CDKL4: variants seen among roughly 807,000 people sequenced by gnomAD.
CDKL4 encodes the protein cyclin dependent kinase like 4, also known as cyclin-dependent kinase-like 4.
A neutral mutation model predicts 42.0 loss-of-function variants in CDKL4; 44 were observed. The ratio of observed to expected loss-of-function variants is 1.05; its 90% confidence interval spans 0.82 to 1.35. The LOEUF is 1.35. Among genes scored for constraint, CDKL4 ranks in the 40% most tolerant of loss-of-function variants. The pLI is 0.00. For synonymous variants in CDKL4, 120 were observed against 121.6 expected (o/e 0.99, Z 0.09); for missense variants, 393 against 369.9 (o/e 1.06, Z -0.51).
At chr2:39,171,829 A>G (rs1675007329), downstream of CDKL4, among the ~76,000 whole-genome samples, 1 of 152,226 alleles carries the variant, frequency 6.6e-6, no homozygotes, top group Non-Finnish European at 1.5e-5. Flanking sequence ...GTCACTCACC[A>G]TGATGGCGCA....
At position 39,212,034 on chromosome 2, in the gene CDKL4, T is replaced by G. The variant is rs946679843; in HGVS notation, c.363+1366A>C. Among the ~76,000 whole-genome samples, 5 of 152,186 alleles carry G rather than the reference T, an allele frequency of 3.3e-5. No individual in the cohort carries two copies. In the South Asian group the frequency reaches 8.3e-4, roughly 25 times the overall value. ...AGAAAAAGTCAGCCAAAATTATTTC[T>G]CTAACATAGTGGTTCTTGAACCAAC... On this transcript the variant is annotated intron_variant, in intron 4 of 9. Transcript: ENST00000451199.
chr2:39,229,229 A>G, intron 2 of CDKL4, 136 bp downstream of exon 2: 4 of 641,516 alleles, frequency 6.2e-6, no homozygotes, highest in South Asian at 4.2e-5. Flanking sequence ...GTGATAATCA[A>G]CTTATTACCC....
Position 39,239,503 on chromosome 2 carries a change from C to G in CDKL4, c.-57+4368G>C, listed in dbSNP as rs115577560. Among the ~76,000 whole-genome samples the G allele has an allele frequency of 9.8e-3, 1,499 of 152,242 alleles. 16 individuals are homozygous for G. Among genetic ancestry groups the G allele is most frequent in the African/African-American group, 0.034 (1,425 of 41,528 alleles). On this transcript the variant is annotated intron_variant, in intron 1 of 9. Coordinates refer to ENST00000451199, the Ensembl canonical transcript of CDKL4. ...CCAGAATACATAGAGAGCATGCTTA[C>G]AACTCAATAGGAGGTTAAACAACCC...
At chr2:39,199,350 A>T (rs1332513075) in intron 5 of CDKL4, among the ~76,000 whole-genome samples, 1 of 152,086 alleles carries the variant, frequency 6.6e-6, no homozygotes, top group African/African-American at 2.4e-5. Context: ...GATAATTAAA[A>T]AGTTACCAAT....
chr2:39,185,662 C>T (rs911639984), intron 7 of CDKL4, among the ~76,000 whole-genome samples: 2 of 151,284 alleles, frequency 1.3e-5, no homozygotes, highest in Admixed American at 6.6e-5. Flanking sequence ...GGGGTTTCAC[C>T]ATGTTCGCTA....
At chr2:39,178,493 G>A in intron 9 of CDKL4, 1 of 1,435,424 alleles carries the variant, frequency 7.0e-7, no homozygotes, top group Non-Finnish European at 9.6e-7. Context: ...TTAGGTGCCG[G>A]GTTTACAAGG....
chr2:39,244,640 C>A (rs553260666), upstream of CDKL4, among the ~76,000 whole-genome samples: 1 of 152,344 alleles, frequency 6.6e-6, no homozygotes, highest in Non-Finnish European at 1.5e-5. Context: ...CCATCGACCA[C>A]CCAAGGGCTG....
intron 4 of CDKL4, among the ~76,000 whole-genome samples, chr2:39,206,065 T>C (rs1558563779): frequency 6.6e-6 from 1 of 151,938 alleles, no homozygotes; most frequent in Non-Finnish European, 1.5e-5. Context: ...TTTTTTGTTT[T>C]TTTTTTGAGA....
At chr2:39,212,665 A>C (rs983690515) in intron 4 of CDKL4, among the ~76,000 whole-genome samples, 1 of 151,214 alleles carries the variant, frequency 6.6e-6, no homozygotes, top group Admixed American at 6.6e-5. Context: ...CTGAAAACTT[A>C]CTATTATTTT....
intron 3 of CDKL4, among the ~76,000 whole-genome samples, chr2:39,222,435 CA>C (rs1305637832): frequency 6.6e-6 from 1 of 151,838 alleles, no homozygotes; most frequent in Non-Finnish European, 1.5e-5. Context: ...ACTAAAAATA[CA>C]AAAATTAGCC....
intron 5 of CDKL4, among the ~76,000 whole-genome samples, chr2:39,194,357 C>T (rs1676382315): frequency 6.6e-6 from 1 of 152,046 alleles, no homozygotes; most frequent in Non-Finnish European, 1.5e-5. Flanking sequence ...ATCTGTTGTC[C>T]CAACTACTTG....
At chr2:39,173,734 C>T (rs1261406196), downstream of CDKL4, among the ~76,000 whole-genome samples, 4 of 150,598 alleles carry the variant, frequency 2.7e-5, no homozygotes, top group African/African-American at 2.5e-5. Context: ...GGCGTGAACC[C>T]GGGAGGCGGA....
Position 39,213,395 on chromosome 2 carries a change from C to T in CDKL4, c.363+5G>A, listed in dbSNP as rs1188997794. 1 of 1,540,966 alleles carries T rather than the reference C, an allele frequency of 6.5e-7. No individual in the cohort carries two copies. Among genetic ancestry groups the T allele is most frequent in the Non-Finnish European group, 9.0e-7 (1 of 1,116,494 alleles). Reference sequence around the variant, plus strand: ...TGAATAAATACATTAGAAAATGTTACTTACGTTATGTATATGACAGAAATT... The same window carrying T: ...TGAATAAATACATTAGAAAATGTTATTTACGTTATGTATATGACAGAAATT... On this transcript the variant is annotated splice_donor_5th_base_variant and intron_variant, in intron 4 of 9. Coordinates refer to ENST00000451199, the Ensembl canonical transcript of CDKL4.
chr2:39,220,731 C>T (rs1455177301), intron 3 of CDKL4, among the ~76,000 whole-genome samples: 2 of 151,766 alleles, frequency 1.3e-5, no homozygotes, highest in African/African-American at 4.8e-5. Context: ...ATTACAGGCA[C>T]CTGCCACCAC....
chr2:39,184,058 C>T (rs918877400), intron 8 of CDKL4, among the ~76,000 whole-genome samples: 2 of 152,172 alleles, frequency 1.3e-5, no homozygotes, highest in African/African-American at 4.8e-5. Context: ...GAATCTGAGG[C>T]TAGATACTGG....
chr2:39,177,263 G>T (rs1675203899), intron 9 of CDKL4, among the ~76,000 whole-genome samples: 1 of 152,090 alleles, frequency 6.6e-6, no homozygotes, highest in Admixed American at 6.6e-5. Context: ...AGGGAGAGCA[G>T]CACCCAACCC....
chr2:39,221,030 T>C (rs1313219089), intron 3 of CDKL4, among the ~76,000 whole-genome samples: 11 of 124,250 alleles, frequency 8.9e-5, no homozygotes, highest in Non-Finnish European at 3.5e-5. Context: ...TTTTGTTTTT[T>C]GAGACAGAGT....
intron 5 of CDKL4, among the ~76,000 whole-genome samples, chr2:39,197,987 C>T (rs907766988): frequency 7.2e-5 from 11 of 152,084 alleles, no homozygotes; most frequent in Non-Finnish European, 5.9e-5. Context: ...CCTCACATCT[C>T]AATACTGATG....
At chr2:39,188,133 T>C (rs1359031566) in intron 6 of CDKL4, among the ~76,000 whole-genome samples, 1 of 151,792 alleles carries the variant, frequency 6.6e-6, no homozygotes, top group Non-Finnish European at 1.5e-5. Context: ...GAAGTGCAGG[T>C]GTGAAAGAAA....
Sources: allele counts gnomAD v4.1 joint callset (sites outside exome capture counted in the v4.1 genomes callset), GRCh38; gene constraint gnomAD v4.1.1; transcripts MANE v1.5; gene names NCBI Gene and HGNC (gene_info 2026-07-23, HGNC 2026-07-21).